DACH1: variants seen among roughly 807,000 people sequenced by gnomAD.
DACH1 encodes dachshund family transcription factor 1, also known as dachshund homolog 1.
In DACH1, 12 loss-of-function variants were observed where a neutral mutation model predicts 54.2. The observed-to-expected ratio is 0.22, with a 90% CI of 0.14 to 0.36. DACH1 has a LOEUF of 0.36. Ranked by LOEUF, DACH1 falls within the 10% of genes least tolerant of loss-of-function variation. The pLI is 1.00. For missense variants in DACH1, 805 were observed against 929.8 expected, an observed-to-expected ratio of 0.87 and a Z score of 1.75; for synonymous variants, 386 against 366.2, an observed-to-expected ratio of 1.05 and a Z score of -0.62.
At chr13:71,749,655 T>A (rs970901453) in intron 1 of DACH1, among the ~76,000 whole-genome samples, 1 of 152,192 alleles carries the variant, frequency 6.6e-6, no homozygotes, top group Non-Finnish European at 1.5e-5. Flanking sequence ...AATTAAGGAA[T>A]CATCCCTCAG....
chr13:71,604,491 A>G (rs2138500382), intron 3 of DACH1, among the ~76,000 whole-genome samples: 1 of 152,076 alleles, frequency 6.6e-6, no homozygotes, highest in Middle Eastern at 3.4e-3. Flanking sequence ...ACTCAGAAGA[A>G]TGGACAATTT....
At chr13:71,601,495 A>G (rs1874491201) in intron 3 of DACH1, among the ~76,000 whole-genome samples, 1 of 152,000 alleles carries the variant, frequency 6.6e-6, no homozygotes, top group Non-Finnish European at 1.5e-5. Flanking sequence ...TGTTCTAGTT[A>G]ATATGAATTT....
intron 1 of DACH1, among the ~76,000 whole-genome samples, chr13:71,736,610 ACTG>A (rs1884131334): frequency 6.6e-6 from 1 of 152,216 alleles, no homozygotes; most frequent in Non-Finnish European, 1.5e-5. Context: ...TTCAAAGTGC[ACTG>A]CTATTTTTTT....
chr13:71,588,645 T>C (rs541185518), intron 3 of DACH1, among the ~76,000 whole-genome samples: 16 of 152,094 alleles, frequency 1.1e-4, no homozygotes, highest in Admixed American at 7.2e-4. Flanking sequence ...CTGAAGTCAT[T>C]TTTTCAGAAA....
intron 4 of DACH1, among the ~76,000 whole-genome samples, chr13:71,564,521 C>T (rs1566345093): frequency 6.9e-6 from 1 of 145,368 alleles, no homozygotes; most frequent in East Asian, 2.0e-4. Flanking sequence ...AACCGGAGGA[C>T]AAAAAAGGAA....
chr13:71,788,211 C>G (rs190149165), intron 1 of DACH1, among the ~76,000 whole-genome samples: 18 of 152,160 alleles, frequency 1.2e-4, no homozygotes, highest in African/African-American at 4.1e-4. Context: ...CTTAGAATCC[C>G]TAGATGTGAG....
intron 1 of DACH1, among the ~76,000 whole-genome samples, chr13:71,750,619 T>G (rs753646507): frequency 6.6e-6 from 1 of 152,214 alleles, no homozygotes; most frequent in African/African-American, 2.4e-5. Flanking sequence ...AATGAAAGTG[T>G]TGTTTAATTT....
rs552876305 is a variant in DACH1 at position 71,573,113 on chromosome 13, T to C, written c.1127-101A>G. The stretch of plus-strand genomic sequence containing the variant: ...CTAATAATGGTAGTCAAAGAAACAA[T>C]ATTTTTCCTCTTCATATGCAAAAAT... On this transcript the variant is annotated intron_variant, in intron 3 of 10. Transcript: ENST00000613252. 1.0e-3 allele frequency: 1,240 copies of C among 1,233,874 alleles called. 1 individual carries two copies. Among genetic ancestry groups the C allele is most frequent in the Non-Finnish European group, 1.3e-3 (1,204 of 898,148 alleles). The allele number at this position is 1,233,874 out of a possible 1,614,324, so 76.4% of individuals were successfully genotyped here.
intron 2 of DACH1, among the ~76,000 whole-genome samples, chr13:71,638,939 T>C (rs935822304): frequency 3.3e-5 from 5 of 152,158 alleles, no homozygotes; most frequent in Non-Finnish European, 7.4e-5. Flanking sequence ...CATAGTTCAA[T>C]TCAACAGTCA....
intron 6 of DACH1, among the ~76,000 whole-genome samples, chr13:71,537,633 A>T (rs1051760630): frequency 6.6e-6 from 1 of 152,066 alleles, no homozygotes; most frequent in Non-Finnish European, 1.5e-5. Context: ...AGAATAAATA[A>T]AGTCTTCAAA....
chr13:71,778,111 T>C (rs1427979471), intron 1 of DACH1, among the ~76,000 whole-genome samples: 2 of 147,806 alleles, frequency 1.4e-5, no homozygotes, highest in African/African-American at 5.0e-5. Flanking sequence ...AATAAATAAA[T>C]AAATAAATAA....
chr13:71,675,823 A>T (rs1449093095), intron 2 of DACH1, among the ~76,000 whole-genome samples: 3 of 152,192 alleles, frequency 2.0e-5, no homozygotes, highest in East Asian at 3.9e-4. Flanking sequence ...TAAAACAAGT[A>T]AACTTCTTAT....
intron 4 of DACH1, among the ~76,000 whole-genome samples, chr13:71,567,070 G>C (rs1884934440): frequency 6.6e-6 from 1 of 151,984 alleles, no homozygotes; most frequent in Admixed American, 6.6e-5. Context: ...TAAAGTATGA[G>C]TACAATTATA....
At chr13:71,704,007 A>C (rs1882299510) in intron 1 of DACH1, among the ~76,000 whole-genome samples, 1 of 152,232 alleles carries the variant, frequency 6.6e-6, no homozygotes, top group Non-Finnish European at 1.5e-5. Flanking sequence ...AAATAGAGTG[A>C]TAAAAATTCA....
At chr13:71,503,001 G>A (rs1243397161) in intron 6 of DACH1, among the ~76,000 whole-genome samples, 3 of 152,136 alleles carry the variant, frequency 2.0e-5, no homozygotes, top group African/African-American at 4.8e-5. Flanking sequence ...CAATGACTTC[G>A]CTTAAGCTAC....
At chr13:71,624,374 A>C (rs181239089) in intron 3 of DACH1, among the ~76,000 whole-genome samples, 42 of 152,064 alleles carry the variant, frequency 2.8e-4, no homozygotes, top group African/African-American at 9.6e-4. Context: ...CCACATGTGA[A>C]GCTACAGAGA....
At chr13:71,665,914 C>A (rs1040345138) in intron 2 of DACH1, among the ~76,000 whole-genome samples, 1 of 152,078 alleles carries the variant, frequency 6.6e-6, no homozygotes, top group Non-Finnish European at 1.5e-5. Context: ...TAATACTCAT[C>A]TGTTAAATGA....
intron 10 of DACH1, among the ~76,000 whole-genome samples, chr13:71,474,277 CTGAT>C (rs1236377011): frequency 6.6e-6 from 1 of 152,086 alleles, no homozygotes; most frequent in Non-Finnish European, 1.5e-5. Flanking sequence ...ATATTTGGAG[CTGAT>C]TAAGTAACAC....
intron 7 of DACH1, among the ~76,000 whole-genome samples, chr13:71,486,812 T>TTATC (rs4053561): frequency 0.017 from 710 of 41,774 alleles, 9 homozygotes; most frequent in African/African-American, 0.03. Context: ...ATTTATTTAT[T>TTATC]TATCTATCTA....
Sources: allele counts gnomAD v4.1 joint callset (sites outside exome capture counted in the v4.1 genomes callset), GRCh38; gene constraint gnomAD v4.1.1; transcripts MANE v1.5; gene names NCBI Gene and HGNC (gene_info 2026-07-23, HGNC 2026-07-21).